The following GCLM variants were observed in gnomAD, a reference collection of about 807,000 sequenced individuals.
GCLM encodes glutamate-cysteine ligase modifier subunit.
A neutral mutation model predicts 36.0 loss-of-function variants in GCLM; 15 were observed. The observed-to-expected ratio is 0.42, with a 90% CI of 0.28 to 0.64. The LOEUF is 0.64. Among genes scored for constraint, GCLM ranks in the 30% least tolerant of loss-of-function variants. The pLI is 0.25. For synonymous variants in GCLM, 129 were observed against 122.8 expected (o/e 1.05, Z -0.34); for missense variants, 242 against 325.5 (o/e 0.74, Z 1.97).
chr1:93,902,314 G>A (rs1656981919), intron 2 of GCLM, among the ~76,000 whole-genome samples: 2 of 151,876 alleles, frequency 1.3e-5, no homozygotes, highest in South Asian at 2.1e-4. Flanking sequence ...GAGTAGCTGG[G>A]ACTACAGGTG....
Position 93,885,601 on chromosome 1 carries a change from A to C in GCLM, c.*3389T>G, listed in dbSNP as rs1241979377. 11 of 152,204 alleles carry C rather than the reference A, an allele frequency of 7.2e-5. No individual in the cohort carries two copies. The highest frequency in any genetic ancestry group is 7.2e-4 in the Admixed American group (11 of 15,284). 9.4% of individuals were successfully genotyped at this position (152,204 alleles called of 1,614,324 possible). A position where few individuals can be genotyped will look rare whatever the true frequency, so the allele number is the denominator to read the frequency against. On this transcript the variant is annotated 3_prime_UTR_variant, in exon 7 of 7. Transcript: ENST00000370238. The stretch of plus-strand genomic sequence containing the variant: ...ATATGTTCTGGTATATTAGGAAGTT[A>C]ATGATGAAAAATATAGGTTCAGAAT...
At chr1:93,907,194 T>C (rs1657174909) in intron 1 of GCLM, among the ~76,000 whole-genome samples, 1 of 152,222 alleles carries the variant, frequency 6.6e-6, no homozygotes, top group Admixed American at 6.5e-5. Flanking sequence ...CCTTTTGCTC[T>C]TACCAAGCAG....
intron 6 of GCLM, 51 bp downstream of exon 6, chr1:93,894,557 CCTTTTT>C (rs1350722810): frequency 2.2e-6 from 2 of 920,736 alleles, no homozygotes; most frequent in Admixed American, 3.7e-5. Flanking sequence ...TCAACAAATA[CCTTTTT>C]GTAAGACAAA....
chr1:93,908,761 T>G, intron 1 of GCLM: 21 of 242,362 alleles, frequency 8.7e-5, no homozygotes, highest in East Asian at 1.5e-4. Context: ...GGACCCAGGA[T>G]GTTTGAGAGT....
Position 93,885,284 on chromosome 1 carries a change from G to A in GCLM, c.*3706C>T, listed in dbSNP as rs1014395263. ...TTCAAAAATCAATATAATGCTTCAG[G>A]ATGCTTCCAGCTATTGAAACAACCC... is the stretch of plus-strand genomic sequence containing the variant. On this transcript the variant is annotated 3_prime_UTR_variant, in exon 7 of 7. Transcript: ENST00000370238. 30 of 151,992 alleles carry A rather than the reference G, an allele frequency of 2.0e-4. No individual in the cohort carries two copies. Among genetic ancestry groups the A allele is most frequent in the African/African-American group, 6.5e-4 (27 of 41,364 alleles). 9.4% of individuals were successfully genotyped at this position (151,992 alleles called of 1,614,324 possible).
chr1:93,903,618 T>G (rs140549275), intron 2 of GCLM, among the ~76,000 whole-genome samples: 1,931 of 152,208 alleles, frequency 0.013, 33 homozygotes, highest in African/African-American at 0.044. Flanking sequence ...GCGCCCAGCC[T>G]GTAATCACAA....
Position 93,909,071 on chromosome 1 carries a change from C to T in GCLM, c.93G>A (p.Leu31=). The change falls in exon 1 of 7, where the codon CTG becomes CTA. Residue 31 remains leucine, a synonymous_variant. Coordinates refer to ENST00000370238, the MANE Select transcript of GCLM (RefSeq NM_002061.4). ...QTGNLLNWGR[L]RKKCPSTHSE... ...TGTGCGTGGACGGGCACTTCTTCCG[C>T]AGGCGGCCCCAGTTCAGCAGGTTCC... The T allele has an allele frequency of 2.8e-5, 41 of 1,474,812 alleles. No individual in the cohort carries two copies. The highest frequency in any genetic ancestry group is 3.7e-5 in the Non-Finnish European group (41 of 1,118,720). The allele number at this position is 1,474,812 out of a possible 1,614,324, so 91.4% of individuals were successfully genotyped here. A position where few individuals can be genotyped will look rare whatever the true frequency, so the allele number is the denominator to read the frequency against.
chr1:93,909,014 C>A (rs1326108690), intron 1 of GCLM, 24 bp downstream of exon 1: 39 of 1,439,044 alleles, frequency 2.7e-5, no homozygotes, highest in Non-Finnish European at 3.1e-5. Context: ...CCGGGAGCCC[C>A]GCGGCGAGTG....
rs971011800 is a variant in GCLM, at chr1:93,886,883, C to T, written c.*2107G>A. The stretch of plus-strand genomic sequence containing the variant: ...GGGCATTTCCAAATGTAAAGATGAA[C>T]TATATATATATTTAATAACATTACA... On this transcript the variant is annotated 3_prime_UTR_variant, in exon 7 of 7. Transcript: ENST00000370238. The T allele has an allele frequency of 3.0e-4, 46 of 151,762 alleles. No individual in the cohort carries two copies. The highest frequency in any genetic ancestry group is 1.1e-3 in the African/African-American group (46 of 41,370). 9.4% of individuals were successfully genotyped at this position (151,762 alleles called of 1,614,324 possible).
chr1:93,898,303 GAAAAAAAAAA>G (rs58007552), intron 3 of GCLM, among the ~76,000 whole-genome samples: 3 of 16,442 alleles, frequency 1.8e-4, no homozygotes, highest in South Asian at 3.1e-3. Context: ...GAAGAAAACT[GAAAAAAAAAA>G]AAAAAAAAAA....
intron 6 of GCLM, 83 bp from the exon 7 acceptor site, chr1:93,889,242 A>C: frequency 8.2e-6 from 7 of 853,370 alleles, no homozygotes; most frequent in Non-Finnish European, 1.2e-5. Flanking sequence ...TAAGCATTTA[A>C]CATAACAAAA....
Position 93,889,148 on chromosome 1 carries a change from C to T in GCLM, c.667G>A (p.Glu223Lys), listed in dbSNP as rs763969760. 1 of 1,569,062 alleles carries T rather than the reference C, an allele frequency of 6.4e-7. No individual in the cohort carries two copies. The highest frequency in any genetic ancestry group is 1.2e-5 in the South Asian group (1 of 83,516). ...THNDPKELLS[E>K]ASFQEALQES... ...TGAAGAGCTTCTTGGAAACTTGCTTCAGAAAGCAGTTCTAAAAGAAACAAC... is the reference window on the plus strand; with the variant it reads ...TGAAGAGCTTCTTGGAAACTTGCTTTAGAAAGCAGTTCTAAAAGAAACAAC... Residue 223 changes from glutamate (E) to lysine (K), a missense_variant, in exon 7 of 7, where the codon GAA becomes AAA. Glu to Lys is a moderately conservative substitution (Grantham distance 56). Transcript: ENST00000370238.
intron 5 of GCLM, among the ~76,000 whole-genome samples, chr1:93,896,094 C>G (rs900254621): frequency 6.6e-6 from 1 of 151,268 alleles, no homozygotes; most frequent in Non-Finnish European, 1.5e-5. Context: ...TCCTGAGTAG[C>G]TGGGATTACA....
intron 1 of GCLM, among the ~76,000 whole-genome samples, 179 bp from the exon 2 acceptor site, chr1:93,904,767 G>A (rs1014677782): frequency 6.6e-6 from 1 of 152,068 alleles, no homozygotes; most frequent in African/African-American, 2.4e-5. Context: ...ATAAATTCAG[G>A]CCTGTTTTCA....
chr1:93,895,884 T>C (rs990839781), intron 5 of GCLM, among the ~76,000 whole-genome samples: 2 of 152,170 alleles, frequency 1.3e-5, no homozygotes, highest in Non-Finnish European at 2.9e-5. Context: ...AAAATATCTG[T>C]TATATATAAA....
chr1:93,892,022 T>A (rs1175483630), intron 6 of GCLM, among the ~76,000 whole-genome samples: 2 of 152,114 alleles, frequency 1.3e-5, no homozygotes, highest in South Asian at 2.1e-4. Flanking sequence ...CACAAATGTC[T>A]CCTTGGAAAA....
chr1:93,885,651 A>G lies in GCLM; in HGVS notation c.*3339T>C, dbSNP rs1362810817. ...TTTTAATTTGGTGTATTTGAATATG[A>G]AAACACAAATGACACAAATGGTTTA... On this transcript the variant is annotated 3_prime_UTR_variant, in exon 7 of 7. Transcript: ENST00000370238. 6.6e-6 allele frequency: 1 copy of G among 152,242 alleles called. No homozygotes were observed. Among genetic ancestry groups the G allele is most frequent in the African/African-American group, 2.4e-5 (1 of 41,470 alleles). 9.4% of individuals were successfully genotyped at this position (152,242 alleles called of 1,614,324 possible).
chr1:93,897,611 A>G (rs1031793792), intron 4 of GCLM, among the ~76,000 whole-genome samples: 1 of 152,136 alleles, frequency 6.6e-6, no homozygotes, highest in African/African-American at 2.4e-5. Flanking sequence ...CGGATAGTGA[A>G]CATTTAAGTA....
chr1:93,891,326 T>C (rs1369695608), intron 6 of GCLM, among the ~76,000 whole-genome samples: 1 of 152,184 alleles, frequency 6.6e-6, no homozygotes, highest in Non-Finnish European at 1.5e-5. Context: ...CATTCACACC[T>C]TGGAGCCTCT....
Sources: allele counts gnomAD v4.1 joint callset (sites outside exome capture counted in the v4.1 genomes callset), GRCh38; gene constraint gnomAD v4.1.1; transcripts MANE v1.5; gene names NCBI Gene and HGNC (gene_info 2026-07-23, HGNC 2026-07-21).